TMEM161B: variants seen among roughly 807,000 people sequenced by gnomAD.
TMEM161B encodes the protein transmembrane protein 161B.
Under a neutral mutation model 61.8 loss-of-function variants are expected in TMEM161B, and 34 were observed. The ratio of observed to expected loss-of-function variants is 0.55; its 90% CI spans 0.42 to 0.73. The LOEUF is 0.73. Ranked by LOEUF, TMEM161B falls within the 30% of genes least tolerant of loss-of-function variation. TMEM161B has a pLI of 0.00. For synonymous variants in TMEM161B, 167 were observed against 192.8 expected (o/e 0.87, Z 1.11); for missense variants, 456 against 558.5 (o/e 0.82, Z 1.85).
chr5:88,258,476 A>AT (rs1755279249), intron 1 of TMEM161B, among the ~76,000 whole-genome samples: 1 of 152,172 alleles, frequency 6.6e-6, no homozygotes, highest in Non-Finnish European at 1.5e-5. Flanking sequence ...TTAACCATCA[A>AT]TAAAAACAAA....
chr5:88,204,506 A>AG (rs1446790295), intron 8 of TMEM161B, among the ~76,000 whole-genome samples: 1 of 152,172 alleles, frequency 6.6e-6, no homozygotes, highest in African/African-American at 2.4e-5. Flanking sequence ...CAGCAGTATT[A>AG]GGTATGCAGT....
intron 7 of TMEM161B, 131 bp from the exon 8 acceptor site, chr5:88,206,085 C>T (rs1054737487): frequency 6.3e-6 from 5 of 793,706 alleles, no homozygotes; most frequent in East Asian, 5.4e-5. Context: ...AAAAAGATTG[C>T]TATTATTCAA....
chr5:88,208,265 C>T (rs1024926893), intron 5 of TMEM161B, among the ~76,000 whole-genome samples: 1 of 151,844 alleles, frequency 6.6e-6, no homozygotes, highest in African/African-American at 2.4e-5. Context: ...GGCTGGATCA[C>T]GAGGTCAGGA....
chr5:88,242,517 C>T (rs953151019), intron 1 of TMEM161B, among the ~76,000 whole-genome samples: 7 of 151,696 alleles, frequency 4.6e-5, no homozygotes, highest in Admixed American at 4.6e-4. Context: ...AACAGTATGC[C>T]TATTGGTTTA....
chr5:88,200,544 A>G (rs909020771), intron 9 of TMEM161B: 2 of 152,156 alleles, frequency 1.3e-5, no homozygotes, highest in African/African-American at 4.8e-5. Flanking sequence ...GGAACAGAAT[A>G]AGGTAGTGAA....
At chr5:88,223,423 AT>A (rs1282477115) in intron 4 of TMEM161B, among the ~76,000 whole-genome samples, 1 of 152,232 alleles carries the variant, frequency 6.6e-6, no homozygotes, top group Non-Finnish European at 1.5e-5. Flanking sequence ...GAATGTTTAT[AT>A]ATTCTTGTAT....
chr5:88,205,752 A>G (rs753822822), intron 8 of TMEM161B, 62 bp downstream of exon 8: 43 of 1,558,518 alleles, frequency 2.8e-5, no homozygotes, highest in African/African-American at 1.4e-5. Context: ...ACAATATTAT[A>G]CCTTCATTAA....
chr5:88,216,232 T>C (rs981920911), intron 5 of TMEM161B, among the ~76,000 whole-genome samples: 2 of 152,124 alleles, frequency 1.3e-5, no homozygotes, highest in African/African-American at 2.4e-5. Flanking sequence ...GGTGACAGAG[T>C]GAGACCTTGT....
At position 88,227,237 on chromosome 5, in the gene TMEM161B, G is replaced by A. The variant is rs111738663; in HGVS notation, c.191+1208C>T. On this transcript the variant is annotated intron_variant, in intron 3 of 11. Coordinates refer to ENST00000296595, the MANE Select transcript of TMEM161B (RefSeq NM_153354.5). The stretch of plus-strand genomic sequence containing the variant: ...TGAACATAGTAGCTATAAATGGGTG[G>A]AAGGGGAATAGTTAAAAAGAAACAG... Among the ~76,000 whole-genome samples, 597 of 152,250 alleles carry A rather than the reference G, an allele frequency of 3.9e-3. 5 individuals are homozygous for A. Among genetic ancestry groups the A allele is most frequent in the Middle Eastern group, 0.027 (8 of 294 alleles).
At chr5:88,254,778 A>T (rs1754758350) in intron 1 of TMEM161B, among the ~76,000 whole-genome samples, 1 of 151,804 alleles carries the variant, frequency 6.6e-6, no homozygotes, top group East Asian at 1.9e-4. Flanking sequence ...GTAGGTTGAG[A>T]CTGCAGTGAG....
chr5:88,257,460 T>C (rs1755131826), intron 1 of TMEM161B, among the ~76,000 whole-genome samples: 1 of 152,202 alleles, frequency 6.6e-6, no homozygotes, highest in African/African-American at 2.4e-5. Flanking sequence ...GCATTCATTG[T>C]GAATATTTTT....
rs200128146 is a variant in TMEM161B at position 88,240,803 on chromosome 5, C to T, written c.107+10G>A. 1.2e-5 allele frequency: 19 copies of T among 1,600,150 alleles called. No homozygotes were observed. The East Asian group carries it at 1.3e-4, about 11-fold the overall frequency. ...AAGTGTCAGTTGAAATCAGCCTATCCTTGCCTTACCTGCCATTACAGAGTA... is the reference window on the plus strand; with the variant it reads ...AAGTGTCAGTTGAAATCAGCCTATCTTTGCCTTACCTGCCATTACAGAGTA... On this transcript the variant is annotated intron_variant, in intron 2 of 11. Coordinates refer to ENST00000296595, the MANE Select transcript of TMEM161B (RefSeq NM_153354.5).
chr5:88,220,914 T>G (rs1173131902), intron 4 of TMEM161B, among the ~76,000 whole-genome samples, 195 bp from the exon 5 acceptor site: 1 of 152,128 alleles, frequency 6.6e-6, no homozygotes, highest in Admixed American at 6.5e-5. Flanking sequence ...CATCCCAAAC[T>G]AAATTTTAAT....
At chr5:88,241,826 T>A (rs1752790884) in intron 1 of TMEM161B, among the ~76,000 whole-genome samples, 1 of 151,792 alleles carries the variant, frequency 6.6e-6, no homozygotes, top group Non-Finnish European at 1.5e-5. Context: ...GTAGAGGACA[T>A]CTACTTTACA....
intron 2 of TMEM161B, among the ~76,000 whole-genome samples, chr5:88,236,022 G>C (rs544743090): frequency 6.6e-6 from 1 of 152,272 alleles, no homozygotes; most frequent in East Asian, 1.9e-4. Context: ...TTAGGTCATA[G>C]GTCCCACCTA....
At chr5:88,210,627 C>A (rs1170203253) in intron 5 of TMEM161B, among the ~76,000 whole-genome samples, 1 of 152,150 alleles carries the variant, frequency 6.6e-6, no homozygotes. Context: ...AAAGTCTACA[C>A]AGTCAAAGGT....
Position 88,210,553 on chromosome 5 carries a change from C to G in TMEM161B, c.447-3373G>C, listed in dbSNP as rs115244454. 5.7e-3 allele frequency among the ~76,000 whole-genome samples: 865 copies of G among 152,238 alleles called. 15 individuals are homozygous for G. Among genetic ancestry groups the G allele is most frequent in the African/African-American group, 0.02 (835 of 41,550 alleles). ...ACTAAGATTTTTGCCTCTGAAGAAACTGAACCTGAGGCACAGAAGAGTTTA... is the reference window on the plus strand; with the variant it reads ...ACTAAGATTTTTGCCTCTGAAGAAAGTGAACCTGAGGCACAGAAGAGTTTA... On this transcript the variant is annotated intron_variant, in intron 5 of 11. Coordinates refer to ENST00000296595, the MANE Select transcript of TMEM161B (RefSeq NM_153354.5).
At chr5:88,240,978 A>G in intron 1 of TMEM161B, 62 bp from the exon 2 acceptor site, 1 of 1,175,892 alleles carries the variant, frequency 8.5e-7, no homozygotes, top group Non-Finnish European at 1.2e-6. Context: ...ACATTGCTGG[A>G]AAACTTTCTG....
chr5:88,198,207 T>C (rs78413348), intron 10 of TMEM161B: 2,843 of 152,292 alleles, frequency 0.019, 73 homozygotes, highest in African/African-American at 0.064. Flanking sequence ...ATATTTGAAG[T>C]CAAACTATGG....
Sources: gnomAD v4.1 joint callset for allele counts (sites outside exome capture counted in the v4.1 genomes callset) on GRCh38, gnomAD v4.1.1 for gene constraint, MANE v1.5 for transcripts, NCBI Gene and HGNC (gene_info 2026-07-23, HGNC 2026-07-21) for gene names.